The following ITPK1 variants were observed in gnomAD, a reference collection of about 807,000 sequenced individuals.
ITPK1 encodes inositol-tetrakisphosphate 1-kinase.
A neutral mutation model predicts 45.3 loss-of-function variants in ITPK1; 21 were observed. The observed-to-expected ratio is 0.46, with a 90% CI of 0.33 to 0.67. ITPK1 has a LOEUF of 0.67. Ranked by LOEUF, ITPK1 falls within the 30% of genes least tolerant of loss-of-function variation. The pLI is 0.02. For missense variants in ITPK1, 474 were observed against 573.5 expected, an observed-to-expected ratio of 0.83 and a Z score of 1.77; for synonymous variants, 258 against 253.6, an observed-to-expected ratio of 1.02 and a Z score of -0.16.
At chr14:93,082,415 C>G (rs1479902179) in intron 2 of ITPK1, among the ~76,000 whole-genome samples, 3 of 152,214 alleles carry the variant, frequency 2.0e-5, no homozygotes, top group African/African-American at 4.8e-5. Context: ...GGTGGGTGAG[C>G]CCCTGAGAGC....
At chr14:92,950,789 C>T (rs560820593) in intron 9 of ITPK1, among the ~76,000 whole-genome samples, 13 of 152,366 alleles carry the variant, frequency 8.5e-5, no homozygotes, top group African/African-American at 2.4e-4. Context: ...AGAAGAAAGC[C>T]GTCTCTTGCA....
At chr14:93,090,196 G>GTTCCTAGC (rs1891811722) in intron 2 of ITPK1, among the ~76,000 whole-genome samples, 1 of 151,850 alleles carries the variant, frequency 6.6e-6, no homozygotes, top group South Asian at 2.1e-4. Flanking sequence ...CGCCCCATCT[G>GTTCCTAGC]TTCCTAGCAC....
chr14:93,087,470 G>C (rs1275737836), intron 2 of ITPK1, among the ~76,000 whole-genome samples: 1 of 152,220 alleles, frequency 6.6e-6, no homozygotes, highest in Admixed American at 6.5e-5. Context: ...GTTATGATCA[G>C]ACCTGTGAAT....
intron 10 of ITPK1, among the ~76,000 whole-genome samples, chr14:92,944,897 C>A (rs529084131): frequency 3.9e-5 from 6 of 152,176 alleles, no homozygotes; most frequent in South Asian, 2.1e-4. Context: ...ACAGATCTCA[C>A]GGTGGCTGCT....
chr14:92,972,129 A>C (rs1049924399), intron 5 of ITPK1, among the ~76,000 whole-genome samples: 5 of 152,166 alleles, frequency 3.3e-5, no homozygotes, highest in African/African-American at 1.2e-4. Flanking sequence ...ACCTGTACTG[A>C]GACAGCTCCC....
At chr14:93,074,477 G>A (rs1891137933) in intron 3 of ITPK1, among the ~76,000 whole-genome samples, 1 of 152,232 alleles carries the variant, frequency 6.6e-6, no homozygotes, top group South Asian at 2.1e-4. Flanking sequence ...CACCCACTGT[G>A]TGACAGTTTG....
rs1885118762 is a variant in ITPK1, at chr14:92,962,357, C to T, written c.502G>A (p.Glu168Lys). The change falls in exon 7 of 11, where the codon GAG becomes AAG. Residue 168 changes from glutamate to lysine, a missense_variant and splice_region_variant. This residue lies in a region of ITPK1 where 367 missense variants were observed against 480.6 expected (regional missense o/e 0.76). Coordinates refer to ENST00000267615, the MANE Select transcript of ITPK1 (RefSeq NM_014216.6). ...CAGTCAGATCTTCTTCCACTCACCT[C>T]GTGAGAGTTGGTGCCATGAGCCACT... is the stretch of plus-strand genomic sequence containing the variant. ...TRVAHGTNSH[E>K]MAIVFNQEGL... 2 of 1,607,986 alleles carry T rather than the reference C, an allele frequency of 1.2e-6. No homozygotes were observed. The highest frequency in any genetic ancestry group is 1.7e-6 in the Non-Finnish European group (2 of 1,174,464).
chr14:92,967,191 C>T lies in ITPK1; in HGVS notation c.365-4342G>A, dbSNP rs977519029. Among the ~76,000 whole-genome samples, 18 of 152,142 alleles carry T rather than the reference C, an allele frequency of 1.2e-4. 1 individual carries two copies. The East Asian group carries it at 1.9e-3, about 16-fold the overall frequency. ...GGAAATATTTGCAAATCATGAGAAG[C>T]GTCTAGTATCCGAAATATATAAAAC... On this transcript the variant is annotated intron_variant, in intron 5 of 10. Coordinates refer to ENST00000267615, the MANE Select transcript of ITPK1 (RefSeq NM_014216.6).
rs1466370782 is a variant in ITPK1 at position 93,034,836 on chromosome 14, G to A, written c.121-18035C>T. Among the ~76,000 whole-genome samples the A allele has an allele frequency of 6.6e-6, 1 of 152,232 alleles. No homozygotes were observed. The highest frequency in any genetic ancestry group is 1.5e-5 in the Non-Finnish European group (1 of 68,022). ...TGCCCAGGGGCTATGCCCTGTGTGG[G>A]CCTGCACCACAGGGCCGAGGATTCA... On this transcript the variant is annotated intron_variant, in intron 3 of 10. Transcript: ENST00000267615. This position sits in a 1 kb window ranked among gnomAD's most constrained non-coding sequence, Gnocchi z 4.1.
intron 2 of ITPK1, among the ~76,000 whole-genome samples, chr14:93,077,273 A>G (rs1891263685): frequency 6.6e-6 from 1 of 152,160 alleles, no homozygotes. Flanking sequence ...GGGTTTGCCC[A>G]GAACACACAA....
intron 2 of ITPK1, among the ~76,000 whole-genome samples, chr14:93,090,911 G>T (rs1391645161): frequency 2.6e-5 from 4 of 151,980 alleles, no homozygotes; most frequent in African/African-American, 4.8e-5. Context: ...CTTGAAAACG[G>T]ACTCATCCTG....
At chr14:93,004,158 A>G (rs1595128530) in intron 4 of ITPK1, among the ~76,000 whole-genome samples, 1 of 152,296 alleles carries the variant, frequency 6.6e-6, no homozygotes, top group East Asian at 1.9e-4. Flanking sequence ...AGCCAGCGAG[A>G]TCCATGCCCA....
intron 2 of ITPK1, among the ~76,000 whole-genome samples, chr14:93,114,017 A>G (rs1434125325): frequency 6.6e-6 from 1 of 152,222 alleles, no homozygotes; most frequent in Non-Finnish European, 1.5e-5. Flanking sequence ...CGGAAACCCA[A>G]CTGTTCAATT....
chr14:92,959,493 G>A (rs758111487), intron 7 of ITPK1, among the ~76,000 whole-genome samples: 11 of 152,188 alleles, frequency 7.2e-5, no homozygotes, highest in East Asian at 1.9e-4. Flanking sequence ...TGCTGGGGGC[G>A]TTGGGGGGCA....
Position 92,941,807 on chromosome 14 carries a change from C to A in ITPK1, c.999G>T (p.Val333=). ...GAAGCTTGCTGTGCCTCAGCAGGGC[C>A]ACGTCCCCTGTGGCTGCCATGGCTG... The part of the protein sequence containing the change: ...QSTAMAATGD[V]ALLRHSKLLA... Residue 333 remains valine (V), a synonymous_variant, in exon 11 of 11, where the codon GTG becomes GTT. Transcript: ENST00000267615. 6.2e-7 allele frequency: 1 copy of A among 1,611,684 alleles called. No homozygotes were observed. Among genetic ancestry groups the A allele is most frequent in the Non-Finnish European group, 8.5e-7 (1 of 1,179,714 alleles).
At chr14:93,020,426 C>T (rs959089168) in intron 3 of ITPK1, among the ~76,000 whole-genome samples, 1 of 152,178 alleles carries the variant, frequency 6.6e-6, no homozygotes, top group African/African-American at 2.4e-5. Context: ...ACCTCAGTTT[C>T]CCCAGTCATA....
At chr14:92,983,053 G>A (rs2048758048) in intron 5 of ITPK1, among the ~76,000 whole-genome samples, 1 of 152,232 alleles carries the variant, frequency 6.6e-6, no homozygotes, top group African/African-American at 2.4e-5. Flanking sequence ...CCTCCCACCT[G>A]ACTTAGCTAG....
At chr14:93,077,469 C>G (rs1000684964) in intron 2 of ITPK1, among the ~76,000 whole-genome samples, 4 of 152,210 alleles carry the variant, frequency 2.6e-5, no homozygotes, top group Non-Finnish European at 4.4e-5. Context: ...AGGCACCCAC[C>G]ACCACGCCCG....
intron 5 of ITPK1, among the ~76,000 whole-genome samples, chr14:92,984,705 G>T (rs1005952008): frequency 6.6e-6 from 1 of 152,096 alleles, no homozygotes; most frequent in African/African-American, 2.4e-5. Flanking sequence ...AGATTATGCT[G>T]ACACTCCACA....
Sources: gnomAD v4.1 joint callset for allele counts (sites outside exome capture counted in the v4.1 genomes callset) on GRCh38, gnomAD v4.1.1 for gene constraint, gnomAD v4.1.1 regional missense constraint, Gnocchi (gnomAD v3.1) non-coding constraint, MANE v1.5 for transcripts, NCBI Gene and HGNC (gene_info 2026-07-23, HGNC 2026-07-21) for gene names.